Variants in IQCJ observed in about 807,000 individuals in gnomAD.
The protein encoded by IQCJ is IQ motif containing J, also known as IQ domain-containing protein J.
In IQCJ, 9 loss-of-function variants were observed where a neutral mutation model predicts 11.0. The ratio of observed to expected loss-of-function variants is 0.82; its 90% CI spans 0.49 to 1.43. The LOEUF is 1.43. IQCJ is among the 40% of genes most tolerant of loss of function. The probability of loss-of-function intolerance (pLI) is 0.00; values close to 1 mark genes in which losing one functional copy is unlikely to be tolerated. For synonymous variants in IQCJ, 55 were observed against 51.3 expected, an observed-to-expected ratio of 1.07 and a Z score of -0.31; for missense variants, 146 against 133.2, an observed-to-expected ratio of 1.10 and a Z score of -0.47.
chr3:159,113,538 G>T (rs1262885804), intron 1 of IQCJ, among the ~76,000 whole-genome samples: 1 of 152,176 alleles, frequency 6.6e-6, no homozygotes, highest in South Asian at 2.1e-4. Context: ...GCTTTTTATT[G>T]TCCTTTGAGT....
At chr3:159,246,559 G>T (rs1305628959) in intron 2 of IQCJ, among the ~76,000 whole-genome samples, 2 of 152,116 alleles carry the variant, frequency 1.3e-5, no homozygotes, top group Non-Finnish European at 2.9e-5. Flanking sequence ...GAGAATCCTT[G>T]CTCTCAATCA....
intron 1 of IQCJ, among the ~76,000 whole-genome samples, chr3:159,233,113 G>A (rs928129957): frequency 2.6e-5 from 4 of 151,296 alleles, no homozygotes; most frequent in Non-Finnish European, 2.9e-5. Flanking sequence ...GATTTTTTTT[G>A]AACCCACATC....
At chr3:159,210,289 C>T (rs1459106018) in intron 1 of IQCJ, among the ~76,000 whole-genome samples, 1 of 152,200 alleles carries the variant, frequency 6.6e-6, no homozygotes, top group East Asian at 1.9e-4. Context: ...TGATCCTCCC[C>T]ACAAATCTTT....
At chr3:159,251,633 C>T (rs574199997) in intron 2 of IQCJ, among the ~76,000 whole-genome samples, 2 of 152,188 alleles carry the variant, frequency 1.3e-5, no homozygotes, top group East Asian at 1.9e-4. Flanking sequence ...CACACACACA[C>T]ACACCCCTAC....
chr3:159,172,655 A>G (rs1722543897), intron 1 of IQCJ, among the ~76,000 whole-genome samples: 1 of 151,580 alleles, frequency 6.6e-6, no homozygotes, highest in African/African-American at 2.4e-5. Context: ...GTGACAGCAC[A>G]TGCCCTCTCT....
intron 1 of IQCJ, among the ~76,000 whole-genome samples, chr3:159,092,881 G>A (rs1420760969): frequency 1.3e-5 from 2 of 151,454 alleles, no homozygotes; most frequent in African/African-American, 4.9e-5. Context: ...GGTATTTAGG[G>A]GTGAAGTTTC....
chr3:159,150,599 C>CACAT (rs1721156659), intron 1 of IQCJ, among the ~76,000 whole-genome samples: 2 of 151,330 alleles, frequency 1.3e-5, no homozygotes, highest in African/African-American at 4.9e-5. Flanking sequence ...CACACACACA[C>CACAT]ACACACACAC....
intron 1 of IQCJ, among the ~76,000 whole-genome samples, chr3:159,116,615 T>C (rs189398389): frequency 1.1e-3 from 5 of 4,396 alleles, no homozygotes; most frequent in Non-Finnish European, 2.6e-3. Flanking sequence ...TGCTCATATG[T>C]ATATATATAT....
intron 1 of IQCJ, among the ~76,000 whole-genome samples, chr3:159,165,920 G>A (rs1233225341): frequency 1.3e-5 from 2 of 150,946 alleles, no homozygotes; most frequent in South Asian, 2.1e-4. Flanking sequence ...GAGCCACCGC[G>A]CCCGGCCAAA....
intron 3 of IQCJ, among the ~76,000 whole-genome samples, chr3:159,255,257 G>C (rs1294173291): frequency 2.0e-5 from 3 of 152,110 alleles, no homozygotes; most frequent in Admixed American, 2.0e-4. Flanking sequence ...TCTCCTGAAG[G>C]CTCTCCTTTC....
At chr3:159,200,176 A>G (rs1437044568) in intron 1 of IQCJ, among the ~76,000 whole-genome samples, 1 of 142,696 alleles carries the variant, frequency 7.0e-6, no homozygotes, top group African/African-American at 2.6e-5. Flanking sequence ...AGCTGGCACT[A>G]CTACTTGCCA....
chr3:159,089,197 A>G (rs1576997656), intron 1 of IQCJ, among the ~76,000 whole-genome samples: 1 of 152,260 alleles, frequency 6.6e-6, no homozygotes, highest in East Asian at 1.9e-4. Flanking sequence ...TTGGCTGGAT[A>G]TGAAGTTCTG....
At chr3:159,145,044 C>T (rs550723211) in intron 1 of IQCJ, among the ~76,000 whole-genome samples, 1 of 152,124 alleles carries the variant, frequency 6.6e-6, no homozygotes, top group Non-Finnish European at 1.5e-5. Flanking sequence ...AATGAGATCA[C>T]CTCTGTTTCC....
chr3:159,142,732 T>C (rs1720696442), intron 1 of IQCJ, among the ~76,000 whole-genome samples: 1 of 152,190 alleles, frequency 6.6e-6, no homozygotes, highest in Admixed American at 6.5e-5. Context: ...GGCAGGTCTT[T>C]TATTTTATTT....
intron 1 of IQCJ, among the ~76,000 whole-genome samples, chr3:159,070,302 G>A (rs1404821340): frequency 6.6e-6 from 1 of 152,000 alleles, no homozygotes; most frequent in Non-Finnish European, 1.5e-5. Flanking sequence ...AGATTACTTA[G>A]CAATTAATAA....
chr3:159,119,960 T>G (rs967132086), intron 1 of IQCJ, among the ~76,000 whole-genome samples: 1 of 152,250 alleles, frequency 6.6e-6, no homozygotes, highest in East Asian at 1.9e-4. Context: ...TACTCTAGTA[T>G]GAGATCCATT....
At chr3:159,127,291 C>A (rs983643278) in intron 1 of IQCJ, among the ~76,000 whole-genome samples, 4 of 152,252 alleles carry the variant, frequency 2.6e-5, no homozygotes, top group Non-Finnish European at 5.9e-5. Flanking sequence ...GTTGGGGAGG[C>A]AGGGGTTGGC....
At chr3:159,113,778 T>C (rs1451436904) in intron 1 of IQCJ, among the ~76,000 whole-genome samples, 1 of 152,138 alleles carries the variant, frequency 6.6e-6, no homozygotes, top group Non-Finnish European at 1.5e-5. Flanking sequence ...CTCCATGATC[T>C]CTGACCATAT....
chr3:159,236,793 TC>T (rs1462598375), intron 1 of IQCJ, among the ~76,000 whole-genome samples: 2 of 152,220 alleles, frequency 1.3e-5, no homozygotes, highest in African/African-American at 2.4e-5. Flanking sequence ...CTTCTACTTT[TC>T]CAAATTATGC....
Sources: allele counts gnomAD v4.1 joint callset (sites outside exome capture counted in the v4.1 genomes callset), GRCh38; gene constraint gnomAD v4.1.1; transcripts MANE v1.5; gene names NCBI Gene and HGNC (gene_info 2026-07-23, HGNC 2026-07-21).